Variants in DGKB observed in about 807,000 individuals in gnomAD.
DGKB encodes the protein 90 kDa diacylglycerol kinase.
Under a neutral mutation model 114.3 loss-of-function variants are expected in DGKB, and 67 were observed. The ratio of observed to expected loss-of-function variants is 0.59; its 90% CI spans 0.48 to 0.72. The LOEUF is 0.72. Among genes scored for constraint, DGKB ranks in the 30% least tolerant of loss-of-function variants. The pLI is 0.00. For synonymous variants in DGKB, 398 were observed against 323.1 expected, an observed-to-expected ratio of 1.23 and a Z score of -2.49; for missense variants, 907 against 975.2, an observed-to-expected ratio of 0.93 and a Z score of 0.93.
At chr7:14,408,212 A>G (rs1824264682) in intron 21 of DGKB, among the ~76,000 whole-genome samples, 1 of 152,086 alleles carries the variant, frequency 6.6e-6, no homozygotes, top group Non-Finnish European at 1.5e-5. Context: ...TATCAGAGTA[A>G]GTGTGATTGA....
At chr7:14,935,998 C>A (rs1785254961) in intron 1 of DGKB, among the ~76,000 whole-genome samples, 1 of 152,098 alleles carries the variant, frequency 6.6e-6, no homozygotes, top group Admixed American at 6.6e-5. Flanking sequence ...CTAATCCAGG[C>A]AGCAAGTAAT....
intron 6 of DGKB, among the ~76,000 whole-genome samples, chr7:14,712,237 G>C (rs1213748799): frequency 6.6e-6 from 1 of 151,712 alleles, no homozygotes; most frequent in East Asian, 1.9e-4. Flanking sequence ...AATAGAAAAA[G>C]CAAGAAAAAA....
chr7:14,399,085 A>G (rs1268833672), intron 21 of DGKB, among the ~76,000 whole-genome samples: 1 of 151,906 alleles, frequency 6.6e-6, no homozygotes, highest in African/African-American at 2.4e-5. Context: ...CTTAGAAAAC[A>G]TATGTATCCG....
intron 6 of DGKB, among the ~76,000 whole-genome samples, chr7:14,711,778 C>G (rs1399174672): frequency 2.0e-5 from 3 of 152,072 alleles, no homozygotes; most frequent in African/African-American, 7.2e-5. Flanking sequence ...AAGACTAGAT[C>G]TTTGAGTTCT....
rs114927167 is a variant in DGKB at position 14,334,569 on chromosome 7, C to T, written c.2122+3946G>A. Among the ~76,000 whole-genome samples, 1,215 of 150,796 alleles carry T rather than the reference C, an allele frequency of 8.1e-3. 13 individuals carry two copies. The highest frequency in any genetic ancestry group is 0.028 in the African/African-American group (1,164 of 41,102). ...TTTTTATTATAGTTTTTTTATTGTCCGCAAATCTGGCAATGAATTTTTTTT... is the reference window on the plus strand; with the variant it reads ...TTTTTATTATAGTTTTTTTATTGTCTGCAAATCTGGCAATGAATTTTTTTT... On this transcript the variant is annotated intron_variant, in intron 23 of 25. Transcript: ENST00000402815.
At chr7:14,368,358 C>A (rs1452639128) in intron 21 of DGKB, among the ~76,000 whole-genome samples, 1 of 152,104 alleles carries the variant, frequency 6.6e-6, no homozygotes, top group East Asian at 1.9e-4. Context: ...CTTTAAAAAT[C>A]CTCTGTGTTC....
At chr7:14,744,042 C>CT (rs148718765) in intron 4 of DGKB, among the ~76,000 whole-genome samples, 16,779 of 152,062 alleles carry the variant, frequency 0.11, 1,107 homozygotes, top group African/African-American at 0.19. Flanking sequence ...CTGAAGTAAT[C>CT]TTTTTTTAAA....
At chr7:14,485,891 C>CA (rs11454311) in intron 20 of DGKB, among the ~76,000 whole-genome samples, 5,610 of 115,306 alleles carry the variant, frequency 0.049, 194 homozygotes, top group East Asian at 0.14. Flanking sequence ...AACTCCATCT[C>CA]AAAAAAAAAA....
At chr7:14,535,865 A>C (rs1382372930) in intron 20 of DGKB, among the ~76,000 whole-genome samples, 2 of 152,148 alleles carry the variant, frequency 1.3e-5, no homozygotes, top group African/African-American at 4.8e-5. Flanking sequence ...GATTATAGGC[A>C]TGAGCCACTG....
At chr7:14,491,354 C>T (rs1054314033) in intron 20 of DGKB, among the ~76,000 whole-genome samples, 1 of 151,960 alleles carries the variant, frequency 6.6e-6, no homozygotes, top group Admixed American at 6.6e-5. Context: ...GTGCCTTTTA[C>T]CTTCTGTCAT....
rs528964320 is a variant in DGKB at position 14,488,853 on chromosome 7, A to AAAC, written c.1771-10629_1771-10628insGTT. On this transcript the variant is annotated intron_variant, in intron 20 of 25. Coordinates refer to ENST00000402815, the MANE Select transcript of DGKB (RefSeq NM_001350709.2). The stretch of plus-strand genomic sequence containing the variant: ...TCTCCAAAAAAAAACAAAAAAAAAC[A>AAAC]AAAAAAACCCAACAACAACAACAAC... 3.3e-3 allele frequency among the ~76,000 whole-genome samples: 356 copies of AAAC among 108,758 alleles called. 1 individual carries two copies. Among genetic ancestry groups the AAAC allele is most frequent in the African/African-American group, 0.014 (287 of 20,962 alleles). 71.3% of individuals were successfully genotyped at this position (108,758 alleles called of 152,430 possible).
chr7:14,525,167 G>C (rs1182552300), intron 20 of DGKB, among the ~76,000 whole-genome samples: 1 of 151,964 alleles, frequency 6.6e-6, no homozygotes, highest in African/African-American at 2.4e-5. Context: ...TCTCTGGTTT[G>C]GTAACCCTGT....
intron 1 of DGKB, among the ~76,000 whole-genome samples, chr7:14,957,446 A>C (rs1397123462): frequency 1.3e-5 from 2 of 152,060 alleles, no homozygotes; most frequent in African/African-American, 4.8e-5. Flanking sequence ...TGAGGTACAA[A>C]AGAGCATGAT....
At chr7:14,193,129 C>T (rs1040982130) in intron 23 of DGKB, among the ~76,000 whole-genome samples, 2 of 151,130 alleles carry the variant, frequency 1.3e-5, no homozygotes, top group East Asian at 2.0e-4. Context: ...CAGACCCATA[C>T]GCCTGTTTGT....
rs557587915 is a variant in DGKB at position 14,152,919 on chromosome 7, A to G, written c.2305-3681T>C. Reference sequence around the variant, plus strand: ...GCTAAGTGTTTTACACACGTTATTCAGGTGCCCCCTATTTCATCCACCTCT... The same window carrying G: ...GCTAAGTGTTTTACACACGTTATTCGGGTGCCCCCTATTTCATCCACCTCT... On this transcript the variant is annotated intron_variant, in intron 25 of 25. Transcript: ENST00000402815. Among the ~76,000 whole-genome samples, 14 of 152,200 alleles carry G rather than the reference A, an allele frequency of 9.2e-5. No homozygotes were observed. The South Asian group carries it at 2.7e-3, about 29-fold the overall frequency.
Position 14,702,705 on chromosome 7 carries a change from G to T in DGKB, c.467-975C>A, listed in dbSNP as rs1427782203. On this transcript the variant is annotated intron_variant, in intron 6 of 25. Transcript: ENST00000402815. Reference sequence around the variant, plus strand: ...TTCCTGAATGATCTTGATGTCTGAAGTCTATAATATTAATAAAGATGTTGA... The same window carrying T: ...TTCCTGAATGATCTTGATGTCTGAATTCTATAATATTAATAAAGATGTTGA... Among the ~76,000 whole-genome samples, 8 of 152,098 alleles carry T rather than the reference G, an allele frequency of 5.3e-5. No homozygotes were observed. The South Asian group carries it at 1.7e-3, about 32-fold the overall frequency.
intron 2 of DGKB, among the ~76,000 whole-genome samples, chr7:14,818,835 T>A (rs1205825493): frequency 2.6e-5 from 4 of 152,156 alleles, no homozygotes; most frequent in Non-Finnish European, 4.4e-5. Context: ...TTAGGGGTGG[T>A]AGGATTTGAG....
intron 20 of DGKB, among the ~76,000 whole-genome samples, chr7:14,540,825 G>A (rs529377484): frequency 4.6e-5 from 7 of 152,266 alleles, no homozygotes; most frequent in African/African-American, 1.4e-4. Flanking sequence ...TGGCTGAGGG[G>A]AAATGTAGCC....
At chr7:14,343,198 C>CACACA (rs1320061315) in intron 22 of DGKB, among the ~76,000 whole-genome samples, 2 of 149,066 alleles carry the variant, frequency 1.3e-5, no homozygotes, top group Middle Eastern at 3.2e-3. Context: ...CACACACACA[C>CACACA]AACAAGATAT....
Sources: allele counts gnomAD v4.1 joint callset (sites outside exome capture counted in the v4.1 genomes callset), GRCh38; gene constraint gnomAD v4.1.1; transcripts MANE v1.5; gene names NCBI Gene and HGNC (gene_info 2026-07-23, HGNC 2026-07-21).